MGAT4A: variants seen among roughly 807,000 people sequenced by gnomAD.
The protein encoded by MGAT4A is alpha-1,3-mannosyl-glycoprotein 4-beta-N-acetylglucosaminyltransferase A, also known as N-acetylglucosaminyltransferase IVa.
In MGAT4A, 33 loss-of-function variants were observed where a neutral mutation model predicts 74.1. The observed-to-expected ratio is 0.45, with a 90% CI of 0.34 to 0.60. The LOEUF (loss-of-function observed/expected upper bound fraction) is 0.60, where lower values mean the gene tolerates loss of function less well. MGAT4A is among the 20% of genes least tolerant of loss of function. The pLI, the probability that MGAT4A is intolerant of heterozygous loss-of-function variation, is 0.02. For missense variants in MGAT4A, 479 were observed against 628.3 expected (o/e 0.76, Z 2.54); for synonymous variants, 198 against 210.4 (o/e 0.94, Z 0.51).
chr2:98,647,881 C>A (rs1239274952), intron 8 of MGAT4A, among the ~76,000 whole-genome samples: 2 of 152,178 alleles, frequency 1.3e-5, no homozygotes, highest in Non-Finnish European at 2.9e-5. Flanking sequence ...CTTTAAGAGT[C>A]ATGGATGTGA....
chr2:98,714,059 C>T (rs947695909), intron 2 of MGAT4A, among the ~76,000 whole-genome samples: 1 of 152,196 alleles, frequency 6.6e-6, no homozygotes, highest in African/African-American at 2.4e-5. Flanking sequence ...TGGGATTGAG[C>T]ATAAGCAACT....
At chr2:98,672,012 G>C (rs186493274) in intron 4 of MGAT4A, among the ~76,000 whole-genome samples, 1 of 137,142 alleles carries the variant, frequency 7.3e-6, no homozygotes, top group Non-Finnish European at 1.5e-5. Context: ...CACCCCTCTT[G>C]ACAACCTGGT....
intron 14 of MGAT4A, among the ~76,000 whole-genome samples, chr2:98,630,483 T>C (rs530020953): frequency 2.0e-5 from 3 of 151,998 alleles, no homozygotes; most frequent in Non-Finnish European, 2.9e-5. Context: ...GGGTATAGCT[T>C]TGGGGAGAAG....
chr2:98,707,826 A>G (rs770232111), intron 2 of MGAT4A, among the ~76,000 whole-genome samples: 17 of 152,184 alleles, frequency 1.1e-4, no homozygotes, highest in Non-Finnish European at 2.1e-4. Flanking sequence ...ATTCCAGAGC[A>G]AGGCTGCTCA....
intron 2 of MGAT4A, among the ~76,000 whole-genome samples, chr2:98,693,186 A>C (rs1702217861): frequency 6.6e-6 from 1 of 152,186 alleles, no homozygotes; most frequent in South Asian, 2.1e-4. Context: ...AAGAACTGTC[A>C]ATCTCAAATA....
At chr2:98,698,586 C>T (rs1702307587) in intron 2 of MGAT4A, among the ~76,000 whole-genome samples, 2 of 152,090 alleles carry the variant, frequency 1.3e-5, no homozygotes. Flanking sequence ...TTTTCATTTT[C>T]CCCTTCATTA....
chr2:98,684,233 T>C lies in MGAT4A; in HGVS notation c.95-5762A>G, dbSNP rs74327857. On this transcript the variant is annotated intron_variant, in intron 2 of 15. Transcript: ENST00000393487. The stretch of plus-strand genomic sequence containing the variant: ...CAAATTAATATGTTTGATAATTCCC[T>C]ATTGTCAACATTAGTAGAAAAATTC... 5.3e-3 allele frequency among the ~76,000 whole-genome samples: 808 copies of C among 152,358 alleles called. 6 individuals carry two copies. The highest frequency in any genetic ancestry group is 0.018 in the African/African-American group (764 of 41,576).
At chr2:98,644,127 T>C in intron 9 of MGAT4A, 74 bp from the exon 10 acceptor site, 1 of 1,394,876 alleles carries the variant, frequency 7.2e-7, no homozygotes, top group Non-Finnish European at 9.6e-7. Flanking sequence ...CATGAAATCT[T>C]GCCCACGACA....
At chr2:98,627,162 C>T (rs1056420689) in intron 14 of MGAT4A, among the ~76,000 whole-genome samples, 2 of 152,150 alleles carry the variant, frequency 1.3e-5, no homozygotes, top group African/African-American at 2.4e-5. Context: ...GTGCATCTGC[C>T]GTAAACTTGT....
At chr2:98,716,355 C>T (rs894071633) in intron 2 of MGAT4A, among the ~76,000 whole-genome samples, 7 of 151,798 alleles carry the variant, frequency 4.6e-5, no homozygotes, top group African/African-American at 9.7e-5. Context: ...TGGTGGCTCA[C>T]GCCTGTAATC....
Position 98,726,518 on chromosome 2 carries a change from G to C in MGAT4A, c.-186C>G, listed in dbSNP as rs942457434. 4 of 489,076 alleles carry C rather than the reference G, an allele frequency of 8.2e-6. No individual in the cohort carries two copies. The highest frequency in any genetic ancestry group is 1.5e-5 in the Non-Finnish European group (4 of 275,148). The allele number at this position is 489,076 out of a possible 1,614,324, so 30.3% of individuals were successfully genotyped here. A position where few individuals can be genotyped will look rare whatever the true frequency, so the allele number is the denominator to read the frequency against. On this transcript the variant is annotated 5_prime_UTR_variant, in exon 2 of 16. Transcript: ENST00000393487. ...AGCAATGCTGTTCACAACTGTACTC[G>C]GGATCGTCTTTGCGGTCTTCACACG...
chr2:98,685,349 T>G (rs546054906), intron 2 of MGAT4A, among the ~76,000 whole-genome samples: 3 of 152,178 alleles, frequency 2.0e-5, no homozygotes, highest in African/African-American at 4.8e-5. Flanking sequence ...GGAAGGTTTT[T>G]AGTAAGATTC....
rs374494243 is a variant in MGAT4A at position 98,720,007 on chromosome 2, G to T, written c.94+6232C>A. On this transcript the variant is annotated intron_variant, in intron 2 of 15. Coordinates refer to ENST00000393487, the MANE Select transcript of MGAT4A (RefSeq NM_012214.3). ...TATAAATAAACTCACAGAACTAAAA[G>T]AAAATTTAATTGAAGAAGTAAAAGA... is the stretch of plus-strand genomic sequence containing the variant. 2.9e-3 allele frequency among the ~76,000 whole-genome samples: 440 copies of T among 152,246 alleles called. 2 individuals are homozygous for T. The highest frequency in any genetic ancestry group is 0.01 in the African/African-American group (421 of 41,562).
At chr2:98,674,834 A>T (rs1172725215) in intron 4 of MGAT4A, among the ~76,000 whole-genome samples, 1 of 152,170 alleles carries the variant, frequency 6.6e-6, no homozygotes, top group Non-Finnish European at 1.5e-5. Context: ...ATTTCACATG[A>T]TCCCTTTCAG....
chr2:98,637,242 G>A (rs760490818), intron 12 of MGAT4A, among the ~76,000 whole-genome samples: 20 of 151,956 alleles, frequency 1.3e-4, no homozygotes, highest in Admixed American at 6.6e-5. Flanking sequence ...GTTTAGCCTG[G>A]AAGGTCTCAT....
At chr2:98,662,693 T>C (rs1369757430) in intron 5 of MGAT4A, among the ~76,000 whole-genome samples, 2 of 152,126 alleles carry the variant, frequency 1.3e-5, no homozygotes, top group African/African-American at 2.4e-5. Context: ...ATGGAGAGAA[T>C]AAAAGAATGA....
intron 2 of MGAT4A, among the ~76,000 whole-genome samples, chr2:98,680,040 C>CTTTTTTTTTT (rs778595164): frequency 6.1e-5 from 8 of 131,048 alleles, no homozygotes; most frequent in South Asian, 2.4e-4. Flanking sequence ...CTTAGAAAGG[C>CTTTTTTTTTT]TTTTTTTTTT....
intron 1 of MGAT4A, among the ~76,000 whole-genome samples, chr2:98,728,428 T>A (rs1215762759): frequency 6.6e-6 from 1 of 152,204 alleles, no homozygotes; most frequent in Non-Finnish European, 1.5e-5. Context: ...ACATCAAACA[T>A]GCCCACGTCT....
At chr2:98,683,547 AT>A (rs57300760) in intron 2 of MGAT4A, among the ~76,000 whole-genome samples, 4,890 of 148,310 alleles carry the variant, frequency 0.033, 100 homozygotes, top group African/African-American at 0.04. Flanking sequence ...TCATTTCATC[AT>A]TTTTTTTTTT....
Sources: allele counts gnomAD v4.1 joint callset (sites outside exome capture counted in the v4.1 genomes callset), GRCh38; gene constraint gnomAD v4.1.1; transcripts MANE v1.5; gene names NCBI Gene and HGNC (gene_info 2026-07-23, HGNC 2026-07-21).